CELSR1: variants seen among roughly 807,000 people sequenced by gnomAD.
The protein encoded by CELSR1 is adhesion G protein-coupled receptor C1.
A neutral mutation model predicts 249.1 loss-of-function variants in CELSR1; 110 were observed. That is an observed-to-expected ratio of 0.44 (90% CI 0.38 to 0.52). The LOEUF is 0.52. Ranked by LOEUF, CELSR1 falls within the 20% of genes least tolerant of loss-of-function variation. The pLI is 0.00. For synonymous variants in CELSR1, 2,113 were observed against 1,900.0 expected (o/e 1.11, Z -2.92); for missense variants, 4,109 against 4,296.4 (o/e 0.96, Z 1.22).
chr22:46,461,141 C>A (rs750217014), intron 2 of CELSR1, among the ~76,000 whole-genome samples: 1 of 151,964 alleles, frequency 6.6e-6, no homozygotes, highest in African/African-American at 2.4e-5. Context: ...GAAAAAGGAG[C>A]GCTTCAAAGG....
At chr22:46,452,705 GCC>G in intron 2 of CELSR1, among the ~76,000 whole-genome samples, 1 of 152,238 alleles carries the variant, frequency 6.6e-6, no homozygotes, top group Admixed American at 6.5e-5. Context: ...AGCTCAGGAG[GCC>G]TCCAGGACCC....
intron 1 of CELSR1, among the ~76,000 whole-genome samples, chr22:46,523,024 A>G (rs1398007188): frequency 6.6e-6 from 1 of 152,208 alleles, no homozygotes; most frequent in Non-Finnish European, 1.5e-5. Flanking sequence ...TGATGATGAA[A>G]ACCGCCCTGC....
At chr22:46,449,648 A>T (rs1333937001) in intron 2 of CELSR1, among the ~76,000 whole-genome samples, 2 of 152,228 alleles carry the variant, frequency 1.3e-5, no homozygotes, top group African/African-American at 4.8e-5. Context: ...TGGAGTTTCC[A>T]TCTAGGTAAA....
rs147137177 is a variant in CELSR1, at chr22:46,529,807, A to T, written c.3544+3820T>A. Among the ~76,000 whole-genome samples the T allele has an allele frequency of 2.6e-4, 40 of 152,264 alleles. 1 individual carries two copies. In the East Asian group the frequency reaches 6.2e-3, roughly 23 times the overall value. On this transcript the variant is annotated intron_variant, in intron 1 of 34. Transcript: ENST00000674500. Reference sequence around the variant, plus strand: ...GATACAGTGAGACTCCATCTCAAAAAAAAAAAAAGAATAAGACCTAGTATT... The same window carrying T: ...GATACAGTGAGACTCCATCTCAAAATAAAAAAAAGAATAAGACCTAGTATT...
In CELSR1 at chr22:46,448,946, G is replaced by A. The variant is rs2079850657; in HGVS notation, c.4184-9535C>T. Among the ~76,000 whole-genome samples, 1 of 152,090 alleles carries A rather than the reference G, an allele frequency of 6.6e-6. No individual in the cohort carries two copies. The highest frequency in any genetic ancestry group is 2.4e-5 in the African/African-American group (1 of 41,398). On this transcript the variant is annotated intron_variant, in intron 2 of 34. Coordinates refer to ENST00000674500, the MANE Select transcript of CELSR1 (RefSeq NM_001378328.1). The surrounding 1 kb of genome is among the most constrained non-coding windows in gnomAD (Gnocchi z 5.7). The stretch of plus-strand genomic sequence containing the variant: ...GGGGAACGTTACAGGGTTTCTAAGA[G>A]GAAAAGGGTATGTCAGAAATGATAA...
chr22:46,395,100 G>A lies in CELSR1; in HGVS notation c.5844-838C>T, dbSNP rs2079133777. ...CACTCACTTGGCGAGCAAGTATTAA[G>A]GACTGTGTACAAATCAGGGTCATAA... On this transcript the variant is annotated intron_variant, in intron 13 of 34. Transcript: ENST00000674500. The surrounding 1 kb of genome is among the most constrained non-coding windows in gnomAD (Gnocchi z 5.5). Among the ~76,000 whole-genome samples the A allele has an allele frequency of 6.6e-6, 1 of 152,202 alleles. No individual in the cohort carries two copies. Among genetic ancestry groups the A allele is most frequent in the Non-Finnish European group, 1.5e-5 (1 of 68,042 alleles).
chr22:46,409,847 C>T lies in CELSR1; in HGVS notation c.4967G>A (p.Arg1656Lys). Residue 1656 changes from arginine (R) to lysine (K), a missense_variant, in exon 8 of 35, where the codon AGG becomes AAG. Physicochemically the swap from Arg to Lys is conservative, Grantham distance 26 (BLOSUM62 2). Around this residue, in one of 7 missense-constraint regions of CELSR1, gnomAD observed 453 missense variants for 492.0 expected, o/e 0.92. Transcript: ENST00000674500. This position sits in a 1 kb window ranked among gnomAD's most constrained non-coding sequence, Gnocchi z 9.8. ...CAARRNFCDG[R>K]RCQNGGTCVN... ...ACAGGTGCCTCCATTCTGACACCGCCTCCCATCGCAGAAGTTCCTCCGAGC... is the reference window on the plus strand; with the variant it reads ...ACAGGTGCCTCCATTCTGACACCGCTTCCCATCGCAGAAGTTCCTCCGAGC... 6.2e-7 allele frequency: 1 copy of T among 1,613,866 alleles called. No homozygotes were observed. Among genetic ancestry groups the T allele is most frequent in the Non-Finnish European group, 8.5e-7 (1 of 1,180,006 alleles).
chr22:46,456,762 ATTT>A (rs898538385), intron 2 of CELSR1, among the ~76,000 whole-genome samples: 7 of 150,976 alleles, frequency 4.6e-5, no homozygotes, highest in African/African-American at 1.7e-4. Flanking sequence ...GCTAGAATTT[ATTT>A]TTAAGATTTT....
intron 2 of CELSR1, among the ~76,000 whole-genome samples, chr22:46,449,139 T>A (rs562975775): frequency 7.6e-6 from 1 of 132,368 alleles, no homozygotes. Flanking sequence ...CCAGCTTCCA[T>A]CCACTCACCC....
chr22:46,451,741 G>A (rs551034139), intron 2 of CELSR1, among the ~76,000 whole-genome samples: 1 of 152,172 alleles, frequency 6.6e-6, no homozygotes, highest in Non-Finnish European at 1.5e-5. Context: ...CCCCCAAAAG[G>A]AAGTGTCCAC....
chr22:46,386,426 A>G lies in CELSR1; in HGVS notation c.6715T>C (p.Phe2239Leu). 2 of 1,586,100 alleles carry G rather than the reference A, an allele frequency of 1.3e-6. No individual in the cohort carries two copies. Among genetic ancestry groups the G allele is most frequent in the Non-Finnish European group, 1.7e-6 (2 of 1,166,692 alleles). The change falls in exon 19 of 35, where the codon TTC (phenylalanine) becomes CTC (leucine). Residue 2239 changes from phenylalanine to leucine, a missense_variant. Physicochemically the swap from Phe to Leu is conservative, Grantham distance 22 (BLOSUM62 0). Coordinates refer to ENST00000674500, the MANE Select transcript of CELSR1 (RefSeq NM_001378328.1). ...RNVRRTYLRPFVIVTANMILA... is the reference protein window; with the variant it reads ...RNVRRTYLRPLVIVTANMILA... ...CTCATGTTGGCGGTGACGATGACGA[A>G]GGGCCGCAGGTACGTCCGCCGCACG... is the stretch of plus-strand genomic sequence containing the variant.
rs1438661068 is a variant in CELSR1 at position 46,481,295 on chromosome 22, C to T, written c.3545-16950G>A. ...TTCCTTATAAAAAATACATTATTGC[C>T]CTCAGCCCCGATGGCCACTGGCAAA... On this transcript the variant is annotated intron_variant, in intron 1 of 34. Coordinates refer to ENST00000674500, the MANE Select transcript of CELSR1 (RefSeq NM_001378328.1). 6.9e-6 allele frequency: 4 copies of T among 577,948 alleles called. No homozygotes were observed. The East Asian group carries it at 1.1e-4, about 16-fold the overall frequency. The allele number at this position is 577,948 out of a possible 1,614,324, so 35.8% of individuals were successfully genotyped here.
At chr22:46,503,082 C>T (rs1003660268) in intron 1 of CELSR1, among the ~76,000 whole-genome samples, 2 of 152,274 alleles carry the variant, frequency 1.3e-5, no homozygotes, top group South Asian at 2.1e-4. Context: ...CCTTAACAGT[C>T]GGGGGAGGCT....
At chr22:46,388,199 A>C (rs1232613510) in intron 18 of CELSR1, among the ~76,000 whole-genome samples, 1 of 152,116 alleles carries the variant, frequency 6.6e-6, no homozygotes, top group African/African-American at 2.4e-5. Flanking sequence ...AAATACAAAA[A>C]TTAGCCGGGC....
chr22:46,462,897 G>T (rs765700174), intron 2 of CELSR1: 14 of 468,372 alleles, frequency 3.0e-5, no homozygotes, highest in Non-Finnish European at 5.3e-5. Context: ...CTTCAGAGGC[G>T]GGAGGATGAG....
In CELSR1 at chr22:46,393,861, G is replaced by A. The variant is rs2079120517; in HGVS notation, c.5964+281C>T. ...TCCCACAGCCATGGGCAGTAGGCCG[G>A]GAGGAGGCAGGGATTCCTGTTCCAC... On this transcript the variant is annotated intron_variant, in intron 14 of 34. Coordinates refer to ENST00000674500, the MANE Select transcript of CELSR1 (RefSeq NM_001378328.1). The surrounding 1 kb of genome is among the most constrained non-coding windows in gnomAD (Gnocchi z 4.1). Among the ~76,000 whole-genome samples, 2 of 152,244 alleles carry A rather than the reference G, an allele frequency of 1.3e-5. No individual in the cohort carries two copies. Among genetic ancestry groups the A allele is most frequent in the African/African-American group, 4.8e-5 (2 of 41,458 alleles).
intron 1 of CELSR1, among the ~76,000 whole-genome samples, chr22:46,493,503 GC>G (rs1255089697): frequency 1.3e-5 from 2 of 148,258 alleles, no homozygotes; most frequent in African/African-American, 5.0e-5. Flanking sequence ...CCAAGATCAT[GC>G]CATTGCACTC....
intron 24 of CELSR1, among the ~76,000 whole-genome samples, chr22:46,375,741 A>G (rs2078912052): frequency 6.6e-6 from 1 of 151,904 alleles, no homozygotes; most frequent in African/African-American, 2.4e-5. Flanking sequence ...ACAGGGTTTC[A>G]CCATGTTGGC....
At chr22:46,492,977 C>T (rs1286585388) in intron 1 of CELSR1, among the ~76,000 whole-genome samples, 1 of 152,188 alleles carries the variant, frequency 6.6e-6, no homozygotes, top group African/African-American at 2.4e-5. Context: ...CTAAACAAAG[C>T]ACGTGTCTAT....
Sources: allele counts gnomAD v4.1 joint callset (sites outside exome capture counted in the v4.1 genomes callset), GRCh38; gene constraint gnomAD v4.1.1; regional missense constraint gnomAD v4.1.1; non-coding constraint Gnocchi (gnomAD v3.1); transcripts MANE v1.5; gene names NCBI Gene and HGNC (gene_info 2026-07-23, HGNC 2026-07-21).